The following NDUFS2 variants were observed in gnomAD, a reference collection of about 807,000 sequenced individuals.
NDUFS2 encodes NADH dehydrogenase [ubiquinone] iron-sulfur protein 2, mitochondrial.
Under a neutral mutation model 69.6 loss-of-function variants are expected in NDUFS2, and 38 were observed. The observed-to-expected ratio is 0.55, with a 90% confidence interval of 0.42 to 0.72. The LOEUF is 0.72. NDUFS2 is among the 30% of genes least tolerant of loss of function. NDUFS2 has a pLI of 0.00. For synonymous variants in NDUFS2, 194 were observed against 211.2 expected (o/e 0.92, Z 0.70); for missense variants, 468 against 595.0 (o/e 0.79, Z 2.22).
chr1:161,198,426 T>G (rs1479070493), upstream of NDUFS2: 1 of 1,594,726 alleles, frequency 6.3e-7, no homozygotes, highest in Non-Finnish European at 8.5e-7. The surrounding 1 kb of genome is among the most constrained non-coding windows in gnomAD (Gnocchi z 4.7). Flanking sequence ...ACGCTGCCGT[T>G]GAGCTTCTCT....
upstream of NDUFS2, chr1:161,202,221 T>C (rs757259694): frequency 3.0e-5 from 21 of 699,680 alleles, no homozygotes; most frequent in South Asian, 4.6e-5. Context: ...TAAACGCAAG[T>C]GAAGCCGAGT....
In NDUFS2 at chr1:161,206,974, C is replaced by A. The variant is rs117105196; in HGVS notation, c.393+377C>A. Among the ~76,000 whole-genome samples the A allele has an allele frequency of 7.9e-3, 1,197 of 152,266 alleles. 8 individuals carry two copies. Among genetic ancestry groups the A allele is most frequent in the Non-Finnish European group, 0.011 (782 of 68,014 alleles). On this transcript the variant is annotated intron_variant, in intron 3 of 13. Transcript: ENST00000676972. ...AGCTCGCTAAGTTTAACAGCTGATT[C>A]TTGTATCTTCCAGCTGTCTACGTTT...
chr1:161,206,529 T>C lies in NDUFS2; in HGVS notation c.325T>C (p.Cys109Arg). 6.2e-7 allele frequency: 1 copy of C among 1,614,202 alleles called. No homozygotes were observed. The highest frequency in any genetic ancestry group is 8.5e-7 in the Non-Finnish European group (1 of 1,180,040). ...ATTGAGTGGGGAGATGGTGCGGAAG[T>C]GTGATCCTCACATCGGGCTCCTGCA... Reference protein sequence around the residue: ...MELSGEMVRKCDPHIGLLHRG... With the variant: ...MELSGEMVRKRDPHIGLLHRG... Residue 109 changes from cysteine to arginine, a missense_variant, in exon 3 of 14, where the codon TGT becomes CGT. Cys to Arg is a radical substitution (Grantham distance 180). This residue lies in a region of NDUFS2 where 339 missense variants were observed against 433.8 expected (regional missense o/e 0.78). Coordinates refer to ENST00000676972, the MANE Select transcript of NDUFS2 (RefSeq NM_001377299.1).
chr1:161,212,915 A>AT (rs896706682), intron 10 of NDUFS2, among the ~76,000 whole-genome samples: 4 of 150,596 alleles, frequency 2.7e-5, no homozygotes, highest in Non-Finnish European at 5.9e-5. Context: ...TTATTTTTTT[A>AT]TTTTTTTTGA....
chr1:161,198,662 G>A (rs375241915), upstream of NDUFS2: 174 of 1,456,752 alleles, frequency 1.2e-4, 4 homozygotes, highest in South Asian at 1.3e-3. This position sits in a 1 kb window ranked among gnomAD's most constrained non-coding sequence, Gnocchi z 4.7. Flanking sequence ...GACTGAGGCC[G>A]TCTAGGGCAC....
upstream of NDUFS2, chr1:161,202,291 G>A: frequency 8.1e-7 from 1 of 1,231,980 alleles, no homozygotes; most frequent in South Asian, 1.3e-5. Flanking sequence ...CCAAGAGGGC[G>A]GCTTCACTGT....
At chr1:161,209,449 G>A (rs1665650387) in intron 4 of NDUFS2, 34 bp from the exon 5 acceptor site, 1 of 1,611,074 alleles carries the variant, frequency 6.2e-7, no homozygotes, top group East Asian at 2.2e-5. Flanking sequence ...TCAGTGCTTG[G>A]CTCCTATATC....
intron 9 of NDUFS2, among the ~76,000 whole-genome samples, chr1:161,211,626 G>A (rs1665771718): frequency 6.6e-6 from 1 of 152,058 alleles, no homozygotes; most frequent in Non-Finnish European, 1.5e-5. Flanking sequence ...TTCCAGCCTG[G>A]GCGACAGAGC....
chr1:161,200,253 G>A (rs1222226771), upstream of NDUFS2, among the ~76,000 whole-genome samples: 1 of 152,142 alleles, frequency 6.6e-6, no homozygotes, highest in Non-Finnish European at 1.5e-5. Flanking sequence ...GAAAGTGGCT[G>A]GGGAGGAAGA....
At chr1:161,206,912 C>T (rs1665498890) in intron 3 of NDUFS2, among the ~76,000 whole-genome samples, 1 of 152,158 alleles carries the variant, frequency 6.6e-6, no homozygotes, top group Non-Finnish European at 1.5e-5. Context: ...TGCGTCAAAG[C>T]CAGTGTCCCT....
upstream of NDUFS2, among the ~76,000 whole-genome samples, chr1:161,201,245 A>G (rs757359058): frequency 3.3e-5 from 5 of 152,236 alleles, no homozygotes; most frequent in Non-Finnish European, 7.3e-5. Context: ...TTCCCAGGCC[A>G]GAAGTCTGGC....
At position 161,213,275 on chromosome 1, in the gene NDUFS2, T is replaced by TG. The variant is rs561472927; in HGVS notation, c.1117-103dup. 4.5e-4 allele frequency: 331 copies of TG among 742,588 alleles called. 1 individual carries two copies. Among genetic ancestry groups the TG allele is most frequent in the Admixed American group, 3.1e-3 (154 of 49,860 alleles). The allele number at this position is 742,588 out of a possible 1,614,324, so 46.0% of individuals were successfully genotyped here. Reference sequence around the variant, plus strand: ...TCCTCTCTGCTTACTGACTGACATGTGGCTTTAGTCTCCCTGAGGGTAGAG... The same window carrying TG: ...TCCTCTCTGCTTACTGACTGACATGTGGGCTTTAGTCTCCCTGAGGGTAGAG... On this transcript the variant is annotated intron_variant, in intron 10 of 13. Transcript: ENST00000676972.
At chr1:161,200,344 C>A (rs1478259295), upstream of NDUFS2, among the ~76,000 whole-genome samples, 1 of 152,086 alleles carries the variant, frequency 6.6e-6, no homozygotes, top group Non-Finnish European at 1.5e-5. Context: ...TGGGTATGAA[C>A]TCTCAAGGCA....
upstream of NDUFS2, chr1:161,198,575 C>T (rs745734284): frequency 1.3e-6 from 2 of 1,551,198 alleles, no homozygotes; most frequent in East Asian, 2.4e-5. The surrounding 1 kb of genome is among the most constrained non-coding windows in gnomAD (Gnocchi z 4.7). Flanking sequence ...TTGGGCTCCC[C>T]ACAGCCAGCG....
At chr1:161,198,274 C>T (rs1664947274), upstream of NDUFS2, 1 of 1,613,906 alleles carries the variant, frequency 6.2e-7, no homozygotes, top group Non-Finnish European at 8.5e-7. This position sits in a 1 kb window ranked among gnomAD's most constrained non-coding sequence, Gnocchi z 4.7. Flanking sequence ...CTCCACCCAG[C>T]AGCTCAGGCG....
rs547255836 is a variant in NDUFS2 at position 161,210,032 on chromosome 1, G to T, written c.703-79G>T. 11 of 1,588,840 alleles carry T rather than the reference G, an allele frequency of 6.9e-6. No homozygotes were observed. The South Asian group carries it at 1.2e-4, about 18-fold the overall frequency. ...ATGATGGAAACTCCAAACCTGTATC[G>T]CTGGGGGAGGGGGTGCTGAGAGGGC... On this transcript the variant is annotated intron_variant, in intron 6 of 13. Transcript: ENST00000676972.
intron 11 of NDUFS2, 57 bp downstream of exon 11, chr1:161,213,532 T>C (rs1344401673): frequency 6.5e-7 from 1 of 1,546,294 alleles, no homozygotes. Flanking sequence ...TAAAGATAGA[T>C]GTTTAACAAA....
upstream of NDUFS2, chr1:161,202,255 T>C (rs896910046): frequency 1.2e-6 from 1 of 859,392 alleles, no homozygotes; most frequent in Admixed American, 2.0e-5. Context: ...TGTTGTCAGT[T>C]CGACGGTAAA....
intron 1 of NDUFS2, 68 bp from the exon 2 acceptor site, chr1:161,203,369 G>A (rs1665267980): frequency 5.8e-6 from 8 of 1,367,568 alleles, no homozygotes; most frequent in African/African-American, 1.4e-5. Flanking sequence ...CCCCTTGAGA[G>A]TGAATGGGAA....
Sources: gnomAD v4.1 joint callset for allele counts (sites outside exome capture counted in the v4.1 genomes callset) on GRCh38, gnomAD v4.1.1 for gene constraint, gnomAD v4.1.1 regional missense constraint, Gnocchi (gnomAD v3.1) non-coding constraint, MANE v1.5 for transcripts, NCBI Gene and HGNC (gene_info 2026-07-23, HGNC 2026-07-21) for gene names.